The following DFFA variants were observed in gnomAD, a reference collection of about 807,000 sequenced individuals.
DFFA encodes DNA fragmentation factor subunit alpha.
A neutral mutation model predicts 28.0 loss-of-function variants in DFFA; 14 were observed. The observed-to-expected ratio is 0.50, with a 90% CI of 0.33 to 0.78. The LOEUF is 0.78. Ranked by LOEUF, DFFA falls within the 30% of genes least tolerant of loss-of-function variation. The pLI is 0.02. For missense variants in DFFA, 395 were observed against 407.1 expected (o/e 0.97, Z 0.26); for synonymous variants, 158 against 170.3 (o/e 0.93, Z 0.56).
intron 5 of DFFA, 124 bp from the exon 6 acceptor site, chr1:10,461,826 A>G: frequency 6.8e-7 from 1 of 1,477,442 alleles, no homozygotes; most frequent in Non-Finnish European, 9.0e-7. Context: ...TTACACTGAA[A>G]TGCCGGGTTT....
Position 10,472,195 on chromosome 1 carries a change from T to C in DFFA, c.136+128A>G, listed in dbSNP as rs931878581. 12 of 1,218,986 alleles carry C rather than the reference T, an allele frequency of 9.8e-6. No homozygotes were observed. Among genetic ancestry groups the C allele is most frequent in the Admixed American group, 2.7e-5 (1 of 36,622 alleles). 75.5% of individuals were successfully genotyped at this position (1,218,986 alleles called of 1,614,324 possible). ...AATCGCTATGCCCACTCGGACCGTTTCTGTCCCAAGCCTCCACCCGAGATA... is the reference window on the plus strand; with the variant it reads ...AATCGCTATGCCCACTCGGACCGTTCCTGTCCCAAGCCTCCACCCGAGATA... On this transcript the variant is annotated intron_variant, in intron 1 of 5. Coordinates refer to ENST00000377038, the MANE Select transcript of DFFA (RefSeq NM_004401.3). This position sits in a 1 kb window ranked among gnomAD's most constrained non-coding sequence, Gnocchi z 5.0.
chr1:10,462,909 G>A (rs1640967593), intron 5 of DFFA, 149 bp downstream of exon 5: 1 of 1,450,638 alleles, frequency 6.9e-7, no homozygotes, highest in African/African-American at 1.4e-5. Flanking sequence ...TGAGATTTTT[G>A]CAAATGCCTT....
chr1:10,466,290 T>A (rs569089535), intron 3 of DFFA, among the ~76,000 whole-genome samples: 1 of 152,300 alleles, frequency 6.6e-6, no homozygotes, highest in East Asian at 1.9e-4. Flanking sequence ...TTCAGGCGAT[T>A]CTTCTGCCTC....
chr1:10,462,744 C>T (rs1640965366), intron 5 of DFFA: 1 of 1,197,616 alleles, frequency 8.3e-7, no homozygotes, highest in Non-Finnish European at 1.0e-6. Context: ...TCTTCTCTGA[C>T]CATGGAAAGA....
chr1:10,471,062 CAAAAAAAAAAAA>C (rs59465527), intron 1 of DFFA, among the ~76,000 whole-genome samples: 1 of 96,520 alleles, frequency 1.0e-5, no homozygotes, highest in Non-Finnish European at 2.0e-5. Flanking sequence ...CACTCCGTCT[CAAAAAAAAAAAA>C]AAAAAAAGAA....
At chr1:10,469,377 G>C (rs749896782) in intron 1 of DFFA, 39 bp from the exon 2 acceptor site, 1 of 1,595,250 alleles carries the variant, frequency 6.3e-7, no homozygotes, top group Non-Finnish European at 8.6e-7. Flanking sequence ...ACAAATAACC[G>C]TAAGGAAATT....
chr1:10,458,534 ATTTTCTTTT>A lies in DFFA; in HGVS notation c.*2947_*2955del, dbSNP rs1640888280. On this transcript the variant is annotated 3_prime_UTR_variant, in exon 6 of 6. Coordinates refer to ENST00000377038, the MANE Select transcript of DFFA (RefSeq NM_004401.3). ...CATCTTTACCCTAGGACTTATTGTGATTTTCTTTTTTTTTTTTTTTTAAAGACAGAGTCT... is the reference window on the plus strand; with the variant it reads ...CATCTTTACCCTAGGACTTATTGTGATTTTTTTTTTTTAAAGACAGAGTCT... 7.4e-6 allele frequency: 1 copy of A among 134,662 alleles called. No homozygotes were observed. The highest frequency in any genetic ancestry group is 7.7e-5 in the Admixed American group (1 of 12,944). The allele number at this position is 134,662 out of a possible 1,614,324, so 8.3% of individuals were successfully genotyped here.
chr1:10,469,355 A>G lies in DFFA; in HGVS notation c.137-17T>C. On this transcript the variant is annotated splice_polypyrimidine_tract_variant and intron_variant, in intron 1 of 5. Transcript: ENST00000377038. ...TGTCACAGGCTGAAAAGAATAAAAT[A>G]TTTGGCAAATGACAAATAACCGTAA... 4 of 1,611,734 alleles carry G rather than the reference A, an allele frequency of 2.5e-6. No individual in the cohort carries two copies. The highest frequency in any genetic ancestry group is 1.3e-5 in the African/African-American group (1 of 74,960).
At chr1:10,470,156 G>T (rs1162864176) in intron 1 of DFFA, among the ~76,000 whole-genome samples, 1 of 152,080 alleles carries the variant, frequency 6.6e-6, no homozygotes, top group African/African-American at 2.4e-5. Context: ...TAATAATCCT[G>T]TAAAGTAGGT....
At position 10,461,407 on chromosome 1, in the gene DFFA, C is replaced by A. The variant is rs1291833478; in HGVS notation, c.*83G>T. ...CTCTAAGGCAGGGGGTAGAGTAGTACATAGGTAGTCAAATGATGAGGCTGA... is the reference window on the plus strand; with the variant it reads ...CTCTAAGGCAGGGGGTAGAGTAGTAAATAGGTAGTCAAATGATGAGGCTGA... On this transcript the variant is annotated 3_prime_UTR_variant, in exon 6 of 6. Transcript: ENST00000377038. 1.3e-6 allele frequency: 2 copies of A among 1,519,572 alleles called. No homozygotes were observed. Among genetic ancestry groups the A allele is most frequent in the African/African-American group, 1.4e-5 (1 of 72,868 alleles). 94.1% of individuals were successfully genotyped at this position (1,519,572 alleles called of 1,614,324 possible). A position where few individuals can be genotyped will look rare whatever the true frequency, so the allele number is the denominator to read the frequency against.
chr1:10,462,566 A>G (rs1640963285), intron 5 of DFFA: 7 of 994,942 alleles, frequency 7.0e-6, no homozygotes, highest in Non-Finnish European at 8.4e-6. Context: ...TCTATCTACA[A>G]TAGGGAGGTA....
intron 3 of DFFA, among the ~76,000 whole-genome samples, chr1:10,464,768 C>A (rs979294588): frequency 2.0e-5 from 3 of 152,140 alleles, no homozygotes; most frequent in Non-Finnish European, 4.4e-5. Flanking sequence ...CTCAAAGAGG[C>A]CTTCCTCCGT....
At chr1:10,468,136 T>C (rs927961006) in intron 2 of DFFA, among the ~76,000 whole-genome samples, 4 of 152,006 alleles carry the variant, frequency 2.6e-5, no homozygotes, top group African/African-American at 4.8e-5. Flanking sequence ...CACTTTTTTT[T>C]TTTTTAAGTC....
intron 3 of DFFA, among the ~76,000 whole-genome samples, chr1:10,466,472 A>C (rs921445475): frequency 1.3e-5 from 2 of 151,696 alleles, no homozygotes; most frequent in Non-Finnish European, 2.9e-5. Flanking sequence ...TACAGGCGTG[A>C]GCCACTGCAC....
chr1:10,471,430 T>C (rs927248489), intron 1 of DFFA, among the ~76,000 whole-genome samples: 1 of 152,098 alleles, frequency 6.6e-6, no homozygotes, highest in African/African-American at 2.4e-5. Context: ...AGAAGTAAAG[T>C]AATCTAATGT....
chr1:10,463,045 G>A lies in DFFA; in HGVS notation c.783+13C>T, dbSNP rs769074689. On this transcript the variant is annotated intron_variant, in intron 5 of 5. Coordinates refer to ENST00000377038, the MANE Select transcript of DFFA (RefSeq NM_004401.3). ...TCCTCCTCTGTAGCTCAGTGACCCT[G>A]GTTTCCGCCCACCTCCAAATCCTGA... is the stretch of plus-strand genomic sequence containing the variant. The A allele has an allele frequency of 1.3e-5, 21 of 1,613,874 alleles. No homozygotes were observed. The highest frequency in any genetic ancestry group is 9.9e-5 in the South Asian group (9 of 91,084).
chr1:10,463,283 C>T, intron 4 of DFFA, 74 bp from the exon 5 acceptor site: 1 of 1,581,890 alleles, frequency 6.3e-7, no homozygotes. Flanking sequence ...GCCAGAATAA[C>T]TGGCCGGGCA....
chr1:10,456,874 A>AT lies in DFFA; in HGVS notation c.*4615dup, dbSNP rs1229757949. Reference sequence around the variant, plus strand: ...GCATGCCCTGCCCTCTCTCACTCCTATTTTTAGACGTATTGCTGCGCTCCT... The same window carrying AT: ...GCATGCCCTGCCCTCTCTCACTCCTATTTTTTAGACGTATTGCTGCGCTCCT... On this transcript the variant is annotated 3_prime_UTR_variant, in exon 6 of 6. Transcript: ENST00000377038. The AT allele has an allele frequency of 6.6e-6, 1 of 152,090 alleles. No homozygotes were observed. The highest frequency in any genetic ancestry group is 1.5e-5 in the Non-Finnish European group (1 of 68,030). 9.4% of individuals were successfully genotyped at this position (152,090 alleles called of 1,614,324 possible).
At chr1:10,464,455 C>G (rs1421579924) in intron 3 of DFFA, among the ~76,000 whole-genome samples, 4 of 152,122 alleles carry the variant, frequency 2.6e-5, no homozygotes, top group Non-Finnish European at 5.9e-5. Context: ...TGGCTTACAC[C>G]TATAATCCCA....
Sources: gnomAD v4.1 joint callset for allele counts (sites outside exome capture counted in the v4.1 genomes callset) on GRCh38, gnomAD v4.1.1 for gene constraint, Gnocchi (gnomAD v3.1) non-coding constraint, MANE v1.5 for transcripts, NCBI Gene and HGNC (gene_info 2026-07-23, HGNC 2026-07-21) for gene names.